Variants in ARHGEF2 observed in about 807,000 individuals in gnomAD.
ARHGEF2 encodes rho guanine nucleotide exchange factor 2.
A neutral mutation model predicts 121.0 loss-of-function variants in ARHGEF2; 22 were observed. The ratio of observed to expected loss-of-function variants is 0.18; its 90% CI spans 0.13 to 0.26. The LOEUF is 0.26. Among genes scored for constraint, ARHGEF2 ranks in the 10% least tolerant of loss-of-function variants. The pLI, the probability that ARHGEF2 is intolerant of heterozygous loss-of-function variation, is 1.00. For synonymous variants in ARHGEF2, 487 were observed against 530.0 expected, an observed-to-expected ratio of 0.92 and a Z score of 1.11; for missense variants, 907 against 1,336.0, an observed-to-expected ratio of 0.68 and a Z score of 5.01.
At position 155,978,468 on chromosome 1, in the gene ARHGEF2, G is replaced by A. The variant is rs961712721; in HGVS notation, c.-41C>T. 1.2e-4 allele frequency: 177 copies of A among 1,438,694 alleles called. No individual in the cohort carries two copies. The highest frequency in any genetic ancestry group is 1.5e-4 in the Non-Finnish European group (165 of 1,078,418). The allele number at this position is 1,438,694 out of a possible 1,614,324, so 89.1% of individuals were successfully genotyped here. ...CCAGGGAGGACGCGGCGCGGACCCC[G>A]GCGTCCTGTATTGTTGGGGGAAGGC... On this transcript the variant is annotated 5_prime_UTR_variant, in exon 1 of 22. Coordinates refer to ENST00000361247, the MANE Select transcript of ARHGEF2 (RefSeq NM_001162383.2). The surrounding 1 kb of genome is among the most constrained non-coding windows in gnomAD (Gnocchi z 4.1).
rs777875758 is a variant in ARHGEF2 at position 155,963,234 on chromosome 1, C to T, written c.725-51G>A. The T allele has an allele frequency of 9.5e-6, 15 of 1,584,552 alleles. No homozygotes were observed. In the Admixed American group the frequency reaches 1.3e-4, roughly 14 times the overall value. ...CCTCTACCCTGGCTTGGCTAAAACT[C>T]GTGGGGCCCTAGGATAAGGACCTCA... is the stretch of plus-strand genomic sequence containing the variant. On this transcript the variant is annotated intron_variant, in intron 7 of 21. Coordinates refer to ENST00000361247, the MANE Select transcript of ARHGEF2 (RefSeq NM_001162383.2).
Position 155,952,133 on chromosome 1 carries a change from C to G in ARHGEF2, c.2087G>C (p.Ser696Thr). ...PLEPDSGGNT[S>T]PGVTANGEAR... is the part of the protein sequence containing the mutation. ...GTACTCACTGGCAGTGACCCCAGGA[C>G]TCGTGTTACCACCGCTGTCTGGTTC... is the stretch of plus-strand genomic sequence containing the variant. The change falls in exon 16 of 22, where the codon AGT (serine) becomes ACT (threonine). Residue 696 changes from serine (S) to threonine (T), a missense_variant. Transcript: ENST00000361247. The G allele has an allele frequency of 6.2e-7, 1 of 1,614,174 alleles. No homozygotes were observed.
chr1:155,966,564 G>T, intron 3 of ARHGEF2, 85 bp from the exon 4 acceptor site: 1 of 1,475,360 alleles, frequency 6.8e-7, no homozygotes. Context: ...GGAGCTAGGT[G>T]GCCGGCCCCC....
chr1:155,949,308 G>A (rs552931696), intron 21 of ARHGEF2, among the ~76,000 whole-genome samples: 4 of 151,024 alleles, frequency 2.6e-5, no homozygotes, highest in East Asian at 3.9e-4. Context: ...TAGACCGGGT[G>A]CAGTGGCTCA....
At chr1:155,949,455 C>T (rs1261370306) in intron 21 of ARHGEF2, among the ~76,000 whole-genome samples, 2 of 149,576 alleles carry the variant, frequency 1.3e-5, no homozygotes, top group Admixed American at 6.7e-5. Context: ...AGGCATGTGC[C>T]TGTAGTCCCA....
rs776549300 is a variant in ARHGEF2 at position 155,950,934 on chromosome 1, G to C, written c.2598C>G (p.Thr866=). 1.4e-5 allele frequency: 23 copies of C among 1,601,818 alleles called. No individual in the cohort carries two copies. The highest frequency in any genetic ancestry group is 1.4e-5 in the Non-Finnish European group (17 of 1,173,628). Residue 866 remains threonine, a synonymous_variant, in exon 20 of 22, where the codon ACC becomes ACG. Transcript: ENST00000361247. This position sits in a 1 kb window ranked among gnomAD's most constrained non-coding sequence, Gnocchi z 5.2. ...AGGGGGCCTCAGCTGGGAGTGGCTC[G>C]GTCTGGCCCAGGGCGGCCAGCTGCC... ...ARRQLAALGQ[T]EPLPAEAPWA...
intron 2 of ARHGEF2, chr1:155,968,953 C>G: frequency 4.9e-6 from 3 of 609,262 alleles, no homozygotes; most frequent in Admixed American, 6.1e-5. Context: ...CCAGATAGTC[C>G]GGCTTATGCC....
Position 155,978,295 on chromosome 1 carries a change from G to A in ARHGEF2, c.63+70C>T. 1 of 1,380,112 alleles carries A rather than the reference G, an allele frequency of 7.2e-7. No homozygotes were observed. Among genetic ancestry groups the A allele is most frequent in the South Asian group, 1.4e-5 (1 of 69,272 alleles). 85.5% of individuals were successfully genotyped at this position (1,380,112 alleles called of 1,614,324 possible). On this transcript the variant is annotated intron_variant, in intron 1 of 21. Transcript: ENST00000361247. The surrounding 1 kb of genome is among the most constrained non-coding windows in gnomAD (Gnocchi z 4.1). ...GAAAGCAGGCGGGGAGACAGGAGAT[G>A]CACCGCGGGTGCCGGGGTTCGGGGA...
At chr1:155,959,449 C>T (rs1677433302) in intron 11 of ARHGEF2, among the ~76,000 whole-genome samples, 1 of 151,888 alleles carries the variant, frequency 6.6e-6, no homozygotes, top group African/African-American at 2.4e-5. Context: ...GGTTTCACCA[C>T]GTTGGCCAGG....
intron 13 of ARHGEF2, 73 bp from the exon 14 acceptor site, chr1:155,955,042 T>G: frequency 3.2e-6 from 4 of 1,250,588 alleles, no homozygotes; most frequent in Non-Finnish European, 4.6e-6. Flanking sequence ...CCTTCCCTCC[T>G]TCCCAAACAT....
chr1:155,952,764 A>T lies in ARHGEF2; in HGVS notation c.1848T>A (p.Ala616=). The change falls in exon 15 of 22, where the codon GCT becomes GCA. Residue 616 remains alanine, a synonymous_variant. Transcript: ENST00000361247. ...ELLREKVGLF[A]EMTHFQAEED... ...CTTCGGCCTGGAAATGGGTCATCTC[A>T]GCAAACAGCCCGACCTTCTCTCGCA... 4 of 1,614,180 alleles carry T rather than the reference A, an allele frequency of 2.5e-6. No homozygotes were observed. Among genetic ancestry groups the T allele is most frequent in the Non-Finnish European group, 3.4e-6 (4 of 1,180,014 alleles).
intron 4 of ARHGEF2, among the ~76,000 whole-genome samples, chr1:155,966,180 G>A (rs767555994): frequency 6.6e-6 from 1 of 152,010 alleles, no homozygotes; most frequent in Non-Finnish European, 1.5e-5. Flanking sequence ...TGCAGGCTGC[G>A]GCCAGGCTCA....
At chr1:155,970,402 C>T (rs1019229637) in intron 1 of ARHGEF2, 1 of 985,358 alleles carries the variant, frequency 1.0e-6, no homozygotes, top group Non-Finnish European at 1.2e-6. Context: ...GGGGATATCA[C>T]TCTTCCCACT....
Position 155,963,004 on chromosome 1 carries a change from G to A in ARHGEF2, c.904C>T (p.Arg302Cys), listed in dbSNP as rs142996931. The change falls in exon 8 of 22, where the codon CGC becomes TGC. Residue 302 changes from arginine to cysteine, a missense_variant. This residue lies in a region of ARHGEF2 where 475 missense variants were observed against 776.5 expected (regional missense o/e 0.61). Coordinates refer to ENST00000361247, the MANE Select transcript of ARHGEF2 (RefSeq NM_001162383.2). ...GTGCTGCCAGGGCACAGGGCCTGGC[G>A]TCGGCGTTCTAATAGCTGGCTGAGG... ...RFLSQLLERR[R>C]QALCPGSTRN... 8 of 1,614,046 alleles carry A rather than the reference G, an allele frequency of 5.0e-6. No homozygotes were observed. In the East Asian group the frequency reaches 1.1e-4, roughly 22 times the overall value.
At chr1:155,963,506 C>T (rs180793672) in intron 7 of ARHGEF2, among the ~76,000 whole-genome samples, 356 of 151,014 alleles carry the variant, frequency 2.4e-3, no homozygotes, top group African/African-American at 8.0e-3. Flanking sequence ...CCACCAGGCC[C>T]GGCTAATTTT....
chr1:155,963,200 G>A lies in ARHGEF2; in HGVS notation c.725-17C>T, dbSNP rs1395704306. On this transcript the variant is annotated splice_polypyrimidine_tract_variant and intron_variant, in intron 7 of 21. Transcript: ENST00000361247. ...GGATTAGCTCTGTGGGGGACATTGGGACATTTGGCCTCTACCCTGGCTTGG... is the reference window on the plus strand; with the variant it reads ...GGATTAGCTCTGTGGGGGACATTGGAACATTTGGCCTCTACCCTGGCTTGG... 2 of 1,602,186 alleles carry A rather than the reference G, an allele frequency of 1.2e-6. No homozygotes were observed. The highest frequency in any genetic ancestry group is 1.7e-6 in the Non-Finnish European group (2 of 1,176,618).
At chr1:155,974,229 G>A (rs779715565) in intron 1 of ARHGEF2, among the ~76,000 whole-genome samples, 5 of 152,024 alleles carry the variant, frequency 3.3e-5, no homozygotes, top group Non-Finnish European at 7.4e-5. Context: ...TCCAAATCAA[G>A]ACTTCTGGGA....
Position 155,951,252 on chromosome 1 carries a change from G to T in ARHGEF2, c.2280C>A (p.Asp760Glu), listed in dbSNP as rs1258731854. The change falls in exon 20 of 22, where the codon GAC (aspartate) becomes GAA (glutamate). Residue 760 changes from aspartate (D) to glutamate (E), a missense_variant. Around this residue, in one of 2 missense-constraint regions of ARHGEF2, gnomAD observed 432 missense variants for 559.5 expected, o/e 0.77. Transcript: ENST00000361247. This position sits in a 1 kb window ranked among gnomAD's most constrained non-coding sequence, Gnocchi z 5.1. ...CAGGGAACCGGGCTTCCATCAGAGT[G>T]TCCTGCTGGGCCACAGCTGCCTGGG... ...HGLQAAVAQQ[D>E]TLMEARFPEG... The T allele has an allele frequency of 2.5e-6, 4 of 1,606,134 alleles. No individual in the cohort carries two copies. In the East Asian group the frequency reaches 9.0e-5, roughly 36 times the overall value.
Position 155,965,602 on chromosome 1 carries a change from G to A in ARHGEF2, c.470+29C>T. 1 of 1,612,192 alleles carries A rather than the reference G, an allele frequency of 6.2e-7. No individual in the cohort carries two copies. Among genetic ancestry groups the A allele is most frequent in the Non-Finnish European group, 8.5e-7 (1 of 1,179,812 alleles). ...TTGGCCTCCACTGCCACACTCTCTG[G>A]CTGCCCCTTTCCCCAAACAGAGGCT... On this transcript the variant is annotated intron_variant, in intron 5 of 21. Coordinates refer to ENST00000361247, the MANE Select transcript of ARHGEF2 (RefSeq NM_001162383.2). This position sits in a 1 kb window ranked among gnomAD's most constrained non-coding sequence, Gnocchi z 6.0.
Sources: gnomAD v4.1 joint callset for allele counts (sites outside exome capture counted in the v4.1 genomes callset) on GRCh38, gnomAD v4.1.1 for gene constraint, gnomAD v4.1.1 regional missense constraint, Gnocchi (gnomAD v3.1) non-coding constraint, MANE v1.5 for transcripts, NCBI Gene and HGNC (gene_info 2026-07-23, HGNC 2026-07-21) for gene names.